The following CCDC191 variants were observed in gnomAD, a reference collection of about 807,000 sequenced individuals.
The protein encoded by CCDC191 is coiled-coil domain containing 191, also known as coiled-coil domain-containing protein 191.
CCDC191 carries 99 observed loss-of-function variants against 114.0 expected under a neutral mutation model. The ratio of observed to expected loss-of-function variants is 0.87; its 90% CI spans 0.74 to 1.03. The LOEUF is 1.03. CCDC191 is among the 50% of genes least tolerant of loss of function. CCDC191 has a pLI of 0.00. For synonymous variants in CCDC191, 351 were observed against 376.0 expected (o/e 0.93, Z 0.77); for missense variants, 973 against 1,087.0 (o/e 0.90, Z 1.47).
chr3:114,005,221 C>T (rs576764356), intron 10 of CCDC191, among the ~76,000 whole-genome samples: 2 of 152,240 alleles, frequency 1.3e-5, no homozygotes, highest in South Asian at 4.1e-4. Flanking sequence ...TAGCTAGAAA[C>T]CCAGAAATAG....
At chr3:113,969,758 G>A (rs1205136688) in intron 16 of CCDC191, among the ~76,000 whole-genome samples, 1 of 152,164 alleles carries the variant, frequency 6.6e-6, no homozygotes, top group Non-Finnish European at 1.5e-5. Context: ...TAGCTTTGTA[G>A]TAAATTTTGA....
At chr3:114,044,281 T>C (rs562842723) in intron 3 of CCDC191, among the ~76,000 whole-genome samples, 7 of 152,242 alleles carry the variant, frequency 4.6e-5, no homozygotes, top group Admixed American at 6.5e-5. Flanking sequence ...GACTAGGCCA[T>C]TGAGGTAGGA....
intron 16 of CCDC191, among the ~76,000 whole-genome samples, chr3:113,971,404 T>C (rs977459424): frequency 2.0e-5 from 3 of 152,234 alleles, no homozygotes; most frequent in African/African-American, 7.2e-5. Flanking sequence ...TGAATTTTAT[T>C]GAATGCCTTT....
chr3:113,995,730 C>T (rs1320785382), intron 13 of CCDC191, among the ~76,000 whole-genome samples: 1 of 152,196 alleles, frequency 6.6e-6, no homozygotes, highest in African/African-American at 2.4e-5. Context: ...AACTAGTTTA[C>T]AGTCCCACCA....
intron 7 of CCDC191, among the ~76,000 whole-genome samples, chr3:114,028,804 G>A (rs2076362283): frequency 6.7e-6 from 1 of 150,252 alleles, no homozygotes; most frequent in Non-Finnish European, 1.5e-5. Flanking sequence ...TAGATTCATA[G>A]ATACAGAAGT....
chr3:113,966,792 G>A (rs1010401154), intron 16 of CCDC191, among the ~76,000 whole-genome samples: 3 of 151,804 alleles, frequency 2.0e-5, no homozygotes, highest in Non-Finnish European at 4.4e-5. Context: ...TTTGTTGGTG[G>A]AGGTACTGCT....
intron 9 of CCDC191, among the ~76,000 whole-genome samples, chr3:114,006,638 T>TA (rs894193938): frequency 3.1e-5 from 4 of 130,256 alleles, no homozygotes; most frequent in Non-Finnish European, 6.7e-5. Context: ...ATTTTATATA[T>TA]AAAAAACATG....
chr3:114,027,894 G>A (rs1413534147), intron 7 of CCDC191, among the ~76,000 whole-genome samples: 1 of 152,132 alleles, frequency 6.6e-6, no homozygotes, highest in African/African-American at 2.4e-5. Context: ...ACTCAAGGCA[G>A]CTTTAGGCTC....
rs778151730 is a variant in CCDC191 at position 114,005,713 on chromosome 3, G to A, written c.1663C>T (p.Arg555Cys). The A allele has an allele frequency of 2.4e-5, 38 of 1,614,008 alleles. No individual in the cohort carries two copies. Among genetic ancestry groups the A allele is most frequent in the African/African-American group, 2.7e-5 (2 of 74,920 alleles). Reference sequence around the variant, plus strand: ...ATCAGCTGTTGCTGGAAGACATGGCGGTTGTGGAAATGACCCAAGCAAAGC... The same window carrying A: ...ATCAGCTGTTGCTGGAAGACATGGCAGTTGTGGAAATGACCCAAGCAAAGC... The part of the protein sequence containing the change: ...EPLCLGHFHN[R>C]HVFQQQLIEK... The change falls in exon 10 of 17, where the codon CGC (arginine) becomes TGC (cysteine). Residue 555 changes from arginine (R) to cysteine (C), a missense_variant. Transcript: ENST00000295878.
chr3:114,044,238 C>T (rs771984323), intron 3 of CCDC191, among the ~76,000 whole-genome samples: 23 of 151,950 alleles, frequency 1.5e-4, no homozygotes, highest in African/African-American at 2.7e-4. Flanking sequence ...CAGGATTTAG[C>T]GGTTGAAGAG....
chr3:114,003,161 G>T lies in CCDC191; in HGVS notation c.1979-623C>A, dbSNP rs189211729. The T allele has an allele frequency of 4.0e-5, 39 of 985,366 alleles. No individual in the cohort carries two copies. The African/African-American group carries it at 5.9e-4, about 15-fold the overall frequency. The allele number at this position is 985,366 out of a possible 1,614,324, so 61.0% of individuals were successfully genotyped here. On this transcript the variant is annotated intron_variant, in intron 11 of 16. Transcript: ENST00000295878. ...AGTGTCAGACTCCTGTTCTTGACAGGCTATTAAATATCGATCCAAAAGAAA... is the reference window on the plus strand; with the variant it reads ...AGTGTCAGACTCCTGTTCTTGACAGTCTATTAAATATCGATCCAAAAGAAA...
At chr3:114,053,530 TTTC>T in intron 2 of CCDC191, 64 bp downstream of exon 2, 1 of 927,748 alleles carries the variant, frequency 1.1e-6, no homozygotes, top group East Asian at 2.6e-5. Context: ...TCTATTCATA[TTTC>T]TTTTCCATCT....
At chr3:114,026,659 T>C (rs1436877658) in intron 7 of CCDC191, among the ~76,000 whole-genome samples, 1 of 152,258 alleles carries the variant, frequency 6.6e-6, no homozygotes, top group Non-Finnish European at 1.5e-5. Context: ...GATATTTAAC[T>C]ACAGTTTTCG....
intron 16 of CCDC191, among the ~76,000 whole-genome samples, chr3:113,975,477 G>T (rs186445682): frequency 6.6e-6 from 1 of 152,268 alleles, no homozygotes; most frequent in East Asian, 1.9e-4. Flanking sequence ...CTGCAATAAA[G>T]TTCATCTATT....
rs188278742 is a variant in CCDC191, at chr3:114,056,378, T to C, written c.89A>G (p.Lys30Arg). The change falls in exon 1 of 17, where the codon AAG becomes AGG. Residue 30 changes from lysine (K) to arginine (R), a missense_variant and splice_region_variant. Physicochemically the swap from Lys to Arg is conservative, Grantham distance 26. Transcript: ENST00000295878. ...TCCAAAGCTCTCGATTGGGATCACC[T>C]TGGGACTCGGCTTCCTTGTGAACCG... ...WKRFTRKPSPKPTFGPDSVEH... is the reference protein window; with the variant it reads ...WKRFTRKPSPRPTFGPDSVEH... 1.0e-4 allele frequency: 168 copies of C among 1,614,098 alleles called. No homozygotes were observed. The East Asian group carries it at 3.1e-3, about 30-fold the overall frequency.
rs369338691 is a variant in CCDC191, at chr3:114,046,652, G to T, written c.210C>A (p.Gly70=). Residue 70 remains glycine, a synonymous_variant, in exon 3 of 17, where the codon GGC becomes GGA. Transcript: ENST00000295878. ...CAGATGTTTTCAAATCTGTGATTTG[G>T]CCCCAGGGACTTCTAGGTAAATCTG... The part of the protein sequence containing the change: ...RNSDLPRSPW[G]QITDLKTSEQ... The T allele has an allele frequency of 1.7e-4, 275 of 1,611,860 alleles. No homozygotes were observed. The highest frequency in any genetic ancestry group is 2.3e-4 in the Non-Finnish European group (271 of 1,178,332).
intron 13 of CCDC191, among the ~76,000 whole-genome samples, chr3:113,987,765 C>G (rs2075412420): frequency 6.6e-6 from 1 of 152,130 alleles, no homozygotes; most frequent in African/African-American, 2.4e-5. Flanking sequence ...AAAAGAGGAC[C>G]AGGTGCAGTG....
intron 11 of CCDC191, chr3:114,004,297 T>A (rs12492484): frequency 0.072 from 71,899 of 999,264 alleles, 2,793 homozygotes; most frequent in South Asian, 0.18. Context: ...TCAGTGTTTG[T>A]CCTTGGCAGT....
chr3:114,003,008 C>A, intron 11 of CCDC191: 1 of 985,212 alleles, frequency 1.0e-6, no homozygotes, highest in African/African-American at 1.7e-5. Context: ...ATAAGAATAA[C>A]AACAAACAAA....
Sources: allele counts gnomAD v4.1 joint callset (sites outside exome capture counted in the v4.1 genomes callset), GRCh38; gene constraint gnomAD v4.1.1; transcripts MANE v1.5; gene names NCBI Gene and HGNC (gene_info 2026-07-23, HGNC 2026-07-21).